CDH12: variants seen among roughly 807,000 people sequenced by gnomAD.
CDH12 encodes the protein cadherin-12.
CDH12 carries 41 observed loss-of-function variants against 74.1 expected under a neutral mutation model. The ratio of observed to expected loss-of-function variants is 0.55; its 90% CI spans 0.43 to 0.72. CDH12 has a LOEUF of 0.72. Among genes scored for constraint, CDH12 ranks in the 30% least tolerant of loss-of-function variants. The pLI, the probability that CDH12 is intolerant of heterozygous loss-of-function variation, is 0.00. For missense variants in CDH12, 945 were observed against 977.2 expected, an observed-to-expected ratio of 0.97 and a Z score of 0.44; for synonymous variants, 399 against 355.0, an observed-to-expected ratio of 1.12 and a Z score of -1.39.
At chr5:22,127,311 C>T (rs1040260706) in intron 4 of CDH12, among the ~76,000 whole-genome samples, 1 of 151,770 alleles carries the variant, frequency 6.6e-6, no homozygotes, top group Non-Finnish European at 1.5e-5. Context: ...AACCTGGTCT[C>T]TACAAAAATA....
chr5:22,834,643 C>A (rs1190962119), intron 1 of CDH12, among the ~76,000 whole-genome samples: 1 of 151,966 alleles, frequency 6.6e-6, no homozygotes, highest in Admixed American at 6.6e-5. Flanking sequence ...GTCTTGGAAG[C>A]CAATTAATTT....
chr5:21,941,689 A>C (rs2150090805), intron 6 of CDH12, among the ~76,000 whole-genome samples: 1 of 152,214 alleles, frequency 6.6e-6, no homozygotes, highest in African/African-American at 2.4e-5. Context: ...AGTAAGAGAG[A>C]GATATTAAGT....
chr5:22,346,069 G>A (rs1197329678), intron 3 of CDH12, among the ~76,000 whole-genome samples: 2 of 140,916 alleles, frequency 1.4e-5, no homozygotes, highest in Non-Finnish European at 3.0e-5. Flanking sequence ...TCGCACCATT[G>A]TACTCCATCC....
At chr5:22,005,668 C>A (rs1355912466) in intron 5 of CDH12, among the ~76,000 whole-genome samples, 4 of 151,938 alleles carry the variant, frequency 2.6e-5, no homozygotes, top group African/African-American at 7.2e-5. Flanking sequence ...TTCTACTGGA[C>A]CTTAACTTCT....
intron 1 of CDH12, among the ~76,000 whole-genome samples, chr5:22,706,120 G>A (rs945849482): frequency 3.2e-4 from 48 of 152,066 alleles, no homozygotes; most frequent in Non-Finnish European, 4.9e-4. Flanking sequence ...CAGATAAAAT[G>A]TAGTTGGCTC....
chr5:21,987,922 G>GA (rs201557252), intron 5 of CDH12, among the ~76,000 whole-genome samples: 4 of 151,180 alleles, frequency 2.6e-5, no homozygotes, highest in South Asian at 2.1e-4. Context: ...ATCAGAAAGG[G>GA]AAAAAAAATC....
At position 22,134,381 on chromosome 5, in the gene CDH12, T is replaced by C. The variant is rs189294758; in HGVS notation, c.-186-55519A>G. Among the ~76,000 whole-genome samples, 354 of 152,180 alleles carry C rather than the reference T, an allele frequency of 2.3e-3. 4 individuals carry two copies. The highest frequency in any genetic ancestry group is 7.7e-3 in the African/African-American group (321 of 41,544). ...CATTCAAATAATCCCACAGTTCTTC[T>C]ACTTCTTAATATAATATTTTCTAGG... On this transcript the variant is annotated intron_variant, in intron 4 of 14. Transcript: ENST00000382254.
intron 5 of CDH12, among the ~76,000 whole-genome samples, chr5:22,041,474 A>G (rs1261252599): frequency 6.6e-6 from 1 of 152,170 alleles, no homozygotes; most frequent in East Asian, 1.9e-4. Flanking sequence ...AAAGTAAAGG[A>G]ATGGAAGAAG....
At chr5:22,811,891 C>T (rs1042445984) in intron 1 of CDH12, among the ~76,000 whole-genome samples, 1 of 152,088 alleles carries the variant, frequency 6.6e-6, no homozygotes, top group Non-Finnish European at 1.5e-5. Flanking sequence ...CTCTCCCTGA[C>T]CACATTCAAT....
At chr5:21,875,331 A>G (rs1378211206) in intron 6 of CDH12, among the ~76,000 whole-genome samples, 2 of 152,224 alleles carry the variant, frequency 1.3e-5, no homozygotes, top group African/African-American at 4.8e-5. Flanking sequence ...CATGGAACTT[A>G]TTTATGCATT....
intron 5 of CDH12, among the ~76,000 whole-genome samples, chr5:22,042,776 G>A (rs1181967224): frequency 6.6e-6 from 1 of 151,352 alleles, no homozygotes; most frequent in Non-Finnish European, 1.5e-5. Flanking sequence ...TGTAGTCCAA[G>A]CTACTTAGGA....
chr5:22,416,318 G>A (rs903136304), intron 2 of CDH12, among the ~76,000 whole-genome samples: 9 of 151,512 alleles, frequency 5.9e-5, no homozygotes, highest in East Asian at 1.9e-4. Flanking sequence ...CTCGTGATCC[G>A]CCCGCCTCGG....
intron 3 of CDH12, among the ~76,000 whole-genome samples, chr5:22,387,319 ATG>A (rs1376427089): frequency 3.9e-5 from 6 of 152,118 alleles, no homozygotes; most frequent in African/African-American, 7.2e-5. Flanking sequence ...TAAAAAAGTA[ATG>A]TGTTATTAAT....
chr5:22,186,527 G>C (rs1749957718), intron 4 of CDH12, among the ~76,000 whole-genome samples: 1 of 152,180 alleles, frequency 6.6e-6, no homozygotes, highest in African/African-American at 2.4e-5. Flanking sequence ...CTGGAGTGCA[G>C]TGATATGATC....
chr5:22,478,417 CAAAAA>C (rs34576542), intron 2 of CDH12, among the ~76,000 whole-genome samples: 1 of 88,508 alleles, frequency 1.1e-5, no homozygotes, highest in Non-Finnish European at 2.1e-5. Flanking sequence ...GACTCCGTCT[CAAAAA>C]AAAAAAAAAA....
chr5:22,690,697 C>A (rs537566920), intron 1 of CDH12, among the ~76,000 whole-genome samples: 1 of 152,098 alleles, frequency 6.6e-6, no homozygotes, highest in Non-Finnish European at 1.5e-5. Flanking sequence ...TTCTTTTGTG[C>A]CACTTGCACA....
intron 1 of CDH12, among the ~76,000 whole-genome samples, chr5:22,509,771 G>A (rs539246397): frequency 1.3e-5 from 2 of 152,258 alleles, no homozygotes; most frequent in South Asian, 2.1e-4. Flanking sequence ...AATACCAGCT[G>A]TTCAAGACTG....
intron 4 of CDH12, among the ~76,000 whole-genome samples, chr5:22,167,069 T>C (rs1748726785): frequency 6.6e-6 from 1 of 152,230 alleles, no homozygotes; most frequent in African/African-American, 2.4e-5. Flanking sequence ...TAAACATGAT[T>C]ATTCATAATT....
At chr5:21,886,799 T>C (rs1036090877) in intron 6 of CDH12, among the ~76,000 whole-genome samples, 12 of 151,872 alleles carry the variant, frequency 7.9e-5, no homozygotes, top group Admixed American at 7.2e-4. Flanking sequence ...TTATCGATAT[T>C]TTATTACTTA....
Sources: gnomAD v4.1 joint callset for allele counts (sites outside exome capture counted in the v4.1 genomes callset) on GRCh38, gnomAD v4.1.1 for gene constraint, MANE v1.5 for transcripts, NCBI Gene and HGNC (gene_info 2026-07-23, HGNC 2026-07-21) for gene names.